The following CPT2 variants were observed in gnomAD, a reference collection of about 807,000 sequenced individuals.
CPT2 encodes carnitine palmitoyltransferase 2, also known as carnitine O-palmitoyltransferase 2, mitochondrial.
Under a neutral mutation model 48.6 loss-of-function variants are expected in CPT2, and 37 were observed. The observed-to-expected ratio is 0.76, with a 90% CI of 0.59 to 1.00. CPT2 has a LOEUF of 1.00. CPT2 is among the 50% of genes least tolerant of loss of function. CPT2 has a pLI of 0.00. For synonymous variants in CPT2, 319 were observed against 326.9 expected (o/e 0.98, Z 0.26); for missense variants, 772 against 825.6 (o/e 0.94, Z 0.80).
In CPT2 at chr1:53,206,978, C is replaced by T. The variant is rs577209766; in HGVS notation, c.341-3037C>T. On this transcript the variant is annotated intron_variant, in intron 3 of 4. Transcript: ENST00000371486. ...TCTGATCTTGAATTGTAATAATCCC[C>T]AAGTGTCAAGGGAGGGACCTAGTGG... Among the ~76,000 whole-genome samples, 192 of 152,290 alleles carry T rather than the reference C, an allele frequency of 1.3e-3. 4 individuals carry two copies. The highest frequency in any genetic ancestry group is 7.7e-4 in the East Asian group (4 of 5,174).
intron 4 of CPT2, chr1:53,212,631 CAATT>C (rs1320680612): frequency 5.0e-6 from 2 of 397,714 alleles, no homozygotes; most frequent in African/African-American, 4.1e-5. Flanking sequence ...AAGCTCTTCT[CAATT>C]GTCATCCGTC....
chr1:53,210,958 A>G lies in CPT2; in HGVS notation c.1284A>G (p.Thr428=), dbSNP rs187044944. ...CTGATGCCTTAAAGACTGGCATCAC[A>G]GCTGCTAAGGAAAAGTTTGATGCCA... ...ELTDALKTGI[T]AAKEKFDATM... is the part of the protein sequence containing the mutation. Residue 428 remains threonine, a synonymous_variant, in exon 4 of 5, where the codon ACA becomes ACG. Transcript: ENST00000371486. 2 of 1,614,224 alleles carry G rather than the reference A, an allele frequency of 1.2e-6. No homozygotes were observed. The highest frequency in any genetic ancestry group is 2.7e-5 in the African/African-American group (2 of 75,058).
Position 53,200,747 on chromosome 1 carries a change from A to G in CPT2, c.181A>G (p.Ile61Val), listed in dbSNP as rs779047870. 1.2e-6 allele frequency: 2 copies of G among 1,614,112 alleles called. No individual in the cohort carries two copies. The highest frequency in any genetic ancestry group is 1.7e-6 in the Non-Finnish European group (2 of 1,179,972). ...GCCTATTCCCAAACTTGAAGACACC[A>G]TTAGGAGATACCTCAGTGCACAGAA... ...RLPIPKLEDT[I>V]RRYLSAQKPL... Residue 61 changes from isoleucine to valine, a missense_variant, in exon 2 of 5, where the codon ATT (isoleucine) becomes GTT (valine). Ile to Val is a conservative substitution (Grantham distance 29). Transcript: ENST00000371486.
rs777236101 is a variant in CPT2, at chr1:53,211,023, G to A, written c.1349G>A (p.Arg450Lys). The A allele has an allele frequency of 6.2e-7, 1 of 1,614,204 alleles. No individual in the cohort carries two copies. Among genetic ancestry groups the A allele is most frequent in the Non-Finnish European group, 8.5e-7 (1 of 1,180,044 alleles). ...TLTIDCVQFQ[R>K]GGKEFLKKQK... ...ACTATTGACTGCGTCCAGTTTCAGA[G>A]AGGAGGCAAAGAATTCCTGAAGAAG... is the stretch of plus-strand genomic sequence containing the variant. The change falls in exon 4 of 5, where the codon AGA (arginine) becomes AAA (lysine). Residue 450 changes from arginine (R) to lysine (K), a missense_variant. By Grantham distance (26) the Arg-to-Lys change is conservative. Transcript: ENST00000371486.
Position 53,197,359 on chromosome 1 carries a change from CT to C in CPT2, c.152+267del, listed in dbSNP as rs533137079. On this transcript the variant is annotated intron_variant, in intron 1 of 4. Coordinates refer to ENST00000371486, the MANE Select transcript of CPT2 (RefSeq NM_000098.3). ...TTGAACGCTTCTCAGATTCCCTCTCCTTTAACCTAACTTCCAGCCAGCTATC... is the reference window on the plus strand; with the variant it reads ...TTGAACGCTTCTCAGATTCCCTCTCCTTAACCTAACTTCCAGCCAGCTATC... The C allele has an allele frequency of 3.7e-4, 207 of 557,658 alleles. 1 individual carries two copies. Among genetic ancestry groups the C allele is most frequent in the Non-Finnish European group, 5.0e-4 (156 of 311,554 alleles). 34.5% of individuals were successfully genotyped at this position (557,658 alleles called of 1,614,324 possible).
At chr1:53,197,121 C>T in intron 1 of CPT2, 26 bp downstream of exon 1, 4 of 1,536,358 alleles carry the variant, frequency 2.6e-6, no homozygotes, top group Non-Finnish European at 3.5e-6. Context: ...GGGTCCCCGC[C>T]GCCCGCCGCC....
chr1:53,210,278 T>C lies in CPT2; in HGVS notation c.604T>C (p.Tyr202His). ...IRFVPSSLSWYGAYLVNAYPL... is the reference protein window; with the variant it reads ...IRFVPSSLSWHGAYLVNAYPL... ...CTTTGTGCCTTCCTCTCTGTCCTGGTATGGGGCCTACCTGGTCAATGCGTA... is the reference window on the plus strand; with the variant it reads ...CTTTGTGCCTTCCTCTCTGTCCTGGCATGGGGCCTACCTGGTCAATGCGTA... The change falls in exon 4 of 5, where the codon TAT becomes CAT. Residue 202 changes from tyrosine (Y) to histidine (H), a missense_variant. Transcript: ENST00000371486. The C allele has an allele frequency of 6.2e-7, 1 of 1,614,210 alleles. No homozygotes were observed. The highest frequency in any genetic ancestry group is 8.5e-7 in the Non-Finnish European group (1 of 1,180,048).
At position 53,210,425 on chromosome 1, in the gene CPT2, T is replaced by G. The variant is rs771966581; in HGVS notation, c.751T>G (p.Phe251Val). The G allele has an allele frequency of 1.2e-5, 20 of 1,613,914 alleles. 1 individual carries two copies. The South Asian group carries it at 2.2e-4, about 18-fold the overall frequency. ...CCTCCTGGTCCTAAGGAAAGGAAAT[T>G]TTTATATCTTTGATGTCCTGGATCA... is the stretch of plus-strand genomic sequence containing the variant. ...RHLLVLRKGNFYIFDVLDQDG... is the reference protein window; with the variant it reads ...RHLLVLRKGNVYIFDVLDQDG... The change falls in exon 4 of 5, where the codon TTT (phenylalanine) becomes GTT (valine). Residue 251 changes from phenylalanine (F) to valine (V), a missense_variant. Phe to Val is a conservative substitution (Grantham distance 50). Transcript: ENST00000371486.
chr1:53,198,067 G>C (rs961693071), intron 1 of CPT2, among the ~76,000 whole-genome samples: 3 of 152,062 alleles, frequency 2.0e-5, no homozygotes, highest in Admixed American at 6.6e-5. Context: ...CTCCGCTTTC[G>C]TCTGAGTTGC....
At position 53,210,265 on chromosome 1, in the gene CPT2, C is replaced by G; in HGVS notation, c.591C>G (p.Ser197=). Residue 197 remains serine (S), a synonymous_variant, in exon 4 of 5, where the codon TCC becomes TCG. Transcript: ENST00000371486. The part of the protein sequence containing the change: ...TFKRLIRFVP[S]SLSWYGAYLV... ...AGAGACTCATACGCTTTGTGCCTTC[C>G]TCTCTGTCCTGGTATGGGGCCTACC... is the stretch of plus-strand genomic sequence containing the variant. The G allele has an allele frequency of 1.2e-6, 2 of 1,614,186 alleles. No individual in the cohort carries two copies. Among genetic ancestry groups the G allele is most frequent in the Non-Finnish European group, 1.7e-6 (2 of 1,180,034 alleles).
intron 4 of CPT2, 99 bp downstream of exon 4, chr1:53,211,418 A>G (rs1050581614): frequency 4.8e-5 from 62 of 1,283,582 alleles, no homozygotes; most frequent in Non-Finnish European, 2.9e-5. Context: ...CTACCCGTTC[A>G]CTAGGTTTAA....
intron 3 of CPT2, chr1:53,208,518 T>C (rs1645401610): frequency 2.0e-5 from 3 of 152,264 alleles, no homozygotes; most frequent in Admixed American, 6.5e-5. Flanking sequence ...AGGGCTAGTC[T>C]GAGTGATCCA....
intron 3 of CPT2, among the ~76,000 whole-genome samples, chr1:53,206,356 A>G (rs11581518): frequency 0.15 from 23,068 of 152,240 alleles, 2,192 homozygotes; most frequent in Non-Finnish European, 0.22. Context: ...AGAGTTCCCA[A>G]TGGGGAGCCT....
intron 3 of CPT2, 101 bp from the exon 4 acceptor site, chr1:53,209,914 G>A (rs1178690700): frequency 2.1e-6 from 2 of 960,622 alleles, no homozygotes; most frequent in Non-Finnish European, 3.2e-6. Flanking sequence ...GGAGGTTGAT[G>A]CCATTTCCTT....
intron 3 of CPT2, 188 bp from the exon 4 acceptor site, chr1:53,209,827 A>C (rs1484380029): frequency 1.6e-6 from 1 of 619,280 alleles, no homozygotes; most frequent in Admixed American, 2.9e-5. Context: ...TAAATGCAAA[A>C]CACCATATAT....
chr1:53,208,330 T>G (rs1357880482), intron 3 of CPT2: 1 of 152,244 alleles, frequency 6.6e-6, no homozygotes, highest in Non-Finnish European at 1.5e-5. Flanking sequence ...CAGAGAAATC[T>G]GCATCTATTA....
rs1572378210 is a variant in CPT2 at position 53,196,939 on chromosome 1, G to A, written c.-5G>A. On this transcript the variant is annotated 5_prime_UTR_variant, in exon 1 of 5. Transcript: ENST00000371486. ...GCGTTCTCGCCGCCGCAGGCTCCCG[G>A]GACGATGGTGCCCCGCCTGCTGCTG... 6.5e-7 allele frequency: 1 copy of A among 1,545,500 alleles called. No individual in the cohort carries two copies. The highest frequency in any genetic ancestry group is 8.7e-7 in the Non-Finnish European group (1 of 1,154,650).
In CPT2 at chr1:53,200,997, C is replaced by T. The variant is rs990192457; in HGVS notation, c.233+198C>T. ...ACCAAGCCCCGAGAGTTCCTCTAAACAGGCTCAACAGGAGATAGTTTATAA... is the reference window on the plus strand; with the variant it reads ...ACCAAGCCCCGAGAGTTCCTCTAAATAGGCTCAACAGGAGATAGTTTATAA... On this transcript the variant is annotated intron_variant, in intron 2 of 4. Coordinates refer to ENST00000371486, the MANE Select transcript of CPT2 (RefSeq NM_000098.3). The T allele has an allele frequency of 1.3e-5, 8 of 628,662 alleles. No homozygotes were observed. In the Admixed American group the frequency reaches 1.8e-4, roughly 14 times the overall value. 38.9% of individuals were successfully genotyped at this position (628,662 alleles called of 1,614,324 possible). A position where few individuals can be genotyped will look rare whatever the true frequency, so the allele number is the denominator to read the frequency against.
chr1:53,206,578 T>A (rs930334423), intron 3 of CPT2, among the ~76,000 whole-genome samples: 12 of 152,226 alleles, frequency 7.9e-5, no homozygotes, highest in African/African-American at 2.9e-4. Context: ...ATGTGAGACA[T>A]GGAGTCAAAG....
Sources: allele counts gnomAD v4.1 joint callset (sites outside exome capture counted in the v4.1 genomes callset), GRCh38; gene constraint gnomAD v4.1.1; transcripts MANE v1.5; gene names NCBI Gene and HGNC (gene_info 2026-07-23, HGNC 2026-07-21).